The following KREMEN1 variants were observed in gnomAD, a reference collection of about 807,000 sequenced individuals.
The protein encoded by KREMEN1 is kringle containing transmembrane protein 1.
KREMEN1 carries 30 observed loss-of-function variants against 46.5 expected under a neutral mutation model. The ratio of observed to expected loss-of-function variants is 0.65; its 90% confidence interval spans 0.48 to 0.88. The LOEUF is 0.88. KREMEN1 is among the 40% of genes least tolerant of loss of function. The probability of loss-of-function intolerance (pLI) is 0.00; values close to 1 mark genes in which losing one functional copy is unlikely to be tolerated. For synonymous variants in KREMEN1, 214 were observed against 230.6 expected, an observed-to-expected ratio of 0.93 and a Z score of 0.65; for missense variants, 533 against 596.9, an observed-to-expected ratio of 0.89 and a Z score of 1.11.
intron 9 of KREMEN1, among the ~76,000 whole-genome samples, chr22:29,161,662 G>T (rs2039013413): frequency 6.6e-6 from 1 of 151,982 alleles, no homozygotes; most frequent in African/African-American, 2.4e-5. Flanking sequence ...CAAAAAATCA[G>T]GTAGGAGGAA....
chr22:29,135,775 C>T (rs2145841256), intron 5 of KREMEN1, among the ~76,000 whole-genome samples: 1 of 152,286 alleles, frequency 6.6e-6, no homozygotes, highest in South Asian at 2.1e-4. Flanking sequence ...ACCTCTTCCT[C>T]CTGTGTTCTC....
chr22:29,101,435 A>G (rs2145776212), intron 3 of KREMEN1, among the ~76,000 whole-genome samples: 1 of 152,314 alleles, frequency 6.6e-6, no homozygotes, highest in Non-Finnish European at 1.5e-5. Context: ...AAGAAAAATT[A>G]TTTTTAATGA....
In KREMEN1 at chr22:29,119,151, C is replaced by T. The variant is rs139128017; in HGVS notation, c.353-2206C>T. Among the ~76,000 whole-genome samples the T allele has an allele frequency of 5.3e-5, 8 of 152,190 alleles. No individual in the cohort carries two copies. In the East Asian group the frequency reaches 1.4e-3, roughly 26 times the overall value. On this transcript the variant is annotated intron_variant, in intron 3 of 8. Transcript: ENST00000400335. ...TCGCTTGAGCCTAGGAGTTCAAAAC[C>T]AGCCTGAGCAACATAGTGAGACCCC...
intron 3 of KREMEN1, among the ~76,000 whole-genome samples, chr22:29,113,247 A>G (rs2038179748): frequency 6.6e-6 from 1 of 152,210 alleles, no homozygotes; most frequent in African/African-American, 2.4e-5. Flanking sequence ...TTCTTTGTCC[A>G]GTAGGAATAA....
At chr22:29,129,704 G>C (rs2038504099) in intron 5 of KREMEN1, among the ~76,000 whole-genome samples, 1 of 152,170 alleles carries the variant, frequency 6.6e-6, no homozygotes, top group African/African-American at 2.4e-5. Context: ...TTGGCAGACA[G>C]ACGACGGGGC....
At chr22:29,166,461 C>T (rs1258726106) in intron 9 of KREMEN1, among the ~76,000 whole-genome samples, 3 of 152,200 alleles carry the variant, frequency 2.0e-5, no homozygotes, top group Non-Finnish European at 4.4e-5. Context: ...GGGAGGTCCC[C>T]CTAGACCTCG....
At chr22:29,153,136 C>T (rs573494308) in intron 9 of KREMEN1, among the ~76,000 whole-genome samples, 1 of 152,156 alleles carries the variant, frequency 6.6e-6, no homozygotes, top group Non-Finnish European at 1.5e-5. Flanking sequence ...TGTCTTTTCA[C>T]ATGCTAATGA....
At chr22:29,121,744 T>C (rs554079339) in intron 4 of KREMEN1, among the ~76,000 whole-genome samples, 2 of 152,202 alleles carry the variant, frequency 1.3e-5, no homozygotes. Context: ...TTATGAATGT[T>C]CTGGAATTAG....
chr22:29,097,207 T>C (rs572854071), intron 2 of KREMEN1, among the ~76,000 whole-genome samples: 86 of 152,370 alleles, frequency 5.6e-4, no homozygotes, highest in African/African-American at 1.9e-3. Context: ...GTGTCAGCTT[T>C]CCAGTGTTCT....
Position 29,081,598 on chromosome 22 carries a change from T to C in KREMEN1, c.97+8371T>C, listed in dbSNP as rs571865866. On this transcript the variant is annotated intron_variant, in intron 1 of 8. Coordinates refer to ENST00000400335, the MANE Select transcript of KREMEN1 (RefSeq NM_001039570.3). ...AATTAATCTGTTGGCCACTATTTGC[T>C]CTTATTCTTATTGCTCCAAGTGACC... Among the ~76,000 whole-genome samples, 229 of 152,276 alleles carry C rather than the reference T, an allele frequency of 1.5e-3. 2 individuals are homozygous for C. The highest frequency in any genetic ancestry group is 5.3e-3 in the African/African-American group (222 of 41,550).
chr22:29,147,710 A>T (rs1189129221), downstream of KREMEN1, among the ~76,000 whole-genome samples: 2 of 152,184 alleles, frequency 1.3e-5, no homozygotes, highest in Non-Finnish European at 2.9e-5. Flanking sequence ...GGGAGACTCT[A>T]CAGGCCCAGC....
intron 3 of KREMEN1, among the ~76,000 whole-genome samples, chr22:29,119,194 A>T (rs1420219632): frequency 1.3e-5 from 2 of 152,154 alleles, no homozygotes; most frequent in Non-Finnish European, 2.9e-5. Flanking sequence ...TTCAATAGTT[A>T]AAAAAATAAA....
At chr22:29,120,771 T>G (rs2038343552) in intron 3 of KREMEN1, among the ~76,000 whole-genome samples, 1 of 151,966 alleles carries the variant, frequency 6.6e-6, no homozygotes, top group Non-Finnish European at 1.5e-5. Flanking sequence ...CACCTTGAGT[T>G]TAGACCCATA....
At chr22:29,074,806 C>A (rs1044133014) in intron 1 of KREMEN1, among the ~76,000 whole-genome samples, 2 of 152,238 alleles carry the variant, frequency 1.3e-5, no homozygotes, top group African/African-American at 4.8e-5. Context: ...GCCTTCAGCT[C>A]TCTGAGCCTC....
chr22:29,115,035 A>T (rs1292130626), intron 3 of KREMEN1, among the ~76,000 whole-genome samples: 1 of 149,478 alleles, frequency 6.7e-6, no homozygotes, highest in Non-Finnish European at 1.5e-5. Flanking sequence ...CTTTAAGTGG[A>T]TGTCGTTAAG....
At chr22:29,099,921 A>G (rs2037948916) in intron 3 of KREMEN1, among the ~76,000 whole-genome samples, 1 of 152,162 alleles carries the variant, frequency 6.6e-6, no homozygotes, top group African/African-American at 2.4e-5. Context: ...TGTATGGTAT[A>G]GGATGAATCT....
intron 5 of KREMEN1, among the ~76,000 whole-genome samples, chr22:29,132,745 CTAT>C (rs1462799663): frequency 6.6e-6 from 1 of 152,144 alleles, no homozygotes; most frequent in Non-Finnish European, 1.5e-5. Context: ...CTTCTTTCAG[CTAT>C]TGTTCGAAAA....
intron 9 of KREMEN1, among the ~76,000 whole-genome samples, chr22:29,166,224 TC>T (rs2039051709): frequency 6.8e-6 from 1 of 146,448 alleles, no homozygotes; most frequent in African/African-American, 2.6e-5. Context: ...ACCAGATGGC[TC>T]TTTTTTTTTT....
In KREMEN1 at chr22:29,099,039, A is replaced by T. The variant is rs565663773; in HGVS notation, c.352+86A>T. 3.1e-6 allele frequency: 3 copies of T among 971,288 alleles called. No homozygotes were observed. In the Admixed American group the frequency reaches 5.5e-5, roughly 18 times the overall value. The allele number at this position is 971,288 out of a possible 1,614,324, so 60.2% of individuals were successfully genotyped here. On this transcript the variant is annotated intron_variant, in intron 3 of 8. Transcript: ENST00000400335. ...GGGAGGCCCCTGCCAGAGGTCAGGT[A>T]GTTAGGCTGGTGGATTTCATGGAGC...
Sources: gnomAD v4.1 joint callset for allele counts (sites outside exome capture counted in the v4.1 genomes callset) on GRCh38, gnomAD v4.1.1 for gene constraint, MANE v1.5 for transcripts, NCBI Gene and HGNC (gene_info 2026-07-23, HGNC 2026-07-21) for gene names.